TRIM68: variants seen among roughly 807,000 people sequenced by gnomAD.
The protein encoded by TRIM68 is E3 ubiquitin-protein ligase TRIM68.
In TRIM68, 36 loss-of-function variants were observed where a neutral mutation model predicts 41.9. That is an observed-to-expected ratio of 0.86 (90% CI 0.66 to 1.14). TRIM68 has a LOEUF of 1.14. TRIM68 is among the 50% of genes most tolerant of loss of function. The pLI is 0.00. For missense variants in TRIM68, 632 were observed against 605.1 expected (o/e 1.04, Z -0.47); for synonymous variants, 225 against 224.6 (o/e 1.00, Z -0.02).
chr11:4,605,451 G>C lies in TRIM68; in HGVS notation c.54C>G (p.Ile18Met), dbSNP rs1846555792. The change falls in exon 2 of 7, where the codon ATC becomes ATG. Residue 18 changes from isoleucine (I) to methionine (M), a missense_variant. Physicochemically the swap from Ile to Met is conservative, Grantham distance 10. Transcript: ENST00000300747. ...EAIVEEVACP[I>M]CMTFLREPMS... is the part of the protein sequence containing the mutation. ...TGGGCTCCCTCAGGAAGGTCATACA[G>C]ATGGGACAGGCCACTTCTTCCACAA... 1 of 1,613,976 alleles carries C rather than the reference G, an allele frequency of 6.2e-7. No homozygotes were observed. The highest frequency in any genetic ancestry group is 8.5e-7 in the Non-Finnish European group (1 of 1,179,978).
intron 1 of TRIM68, 121 bp from the exon 2 acceptor site, chr11:4,605,682 T>C (rs1411007027): frequency 1.7e-5 from 11 of 655,544 alleles, no homozygotes; most frequent in Middle Eastern, 4.1e-4. Flanking sequence ...TTACTGACCT[T>C]CTTTAATAAG....
rs555671821 is a variant in TRIM68, at chr11:4,603,084, C to T, written c.522+161G>A. ...AACTGGAATTAAGAGGTGACGTGGC[C>T]TACCTAAGGCCTGGGACAGAGAAAG... On this transcript the variant is annotated intron_variant, in intron 3 of 6. Coordinates refer to ENST00000300747, the MANE Select transcript of TRIM68 (RefSeq NM_018073.8). 4.9e-4 allele frequency among the ~76,000 whole-genome samples: 75 copies of T among 152,314 alleles called. No homozygotes were observed. The highest frequency in any genetic ancestry group is 4.1e-3 in the South Asian group (20 of 4,830).
Position 4,601,686 on chromosome 11 carries a change from C to A in TRIM68, c.784G>T (p.Asp262Tyr), listed in dbSNP as rs1846491349. The change falls in exon 5 of 7, where the codon GAT becomes TAT. Residue 262 changes from aspartate to tyrosine, a missense_variant and splice_region_variant. Coordinates refer to ENST00000300747, the MANE Select transcript of TRIM68 (RefSeq NM_018073.8). ...SQRPVRWMLQ[D>Y]IQEVLNRSKS... ...TACCTGTTTAACACTTCCTGAATATCCTGGAAGGAGAAAAAAAAATGCAGC... is the reference window on the plus strand; with the variant it reads ...TACCTGTTTAACACTTCCTGAATATACTGGAAGGAGAAAAAAAAATGCAGC... 2 of 1,613,764 alleles carry A rather than the reference C, an allele frequency of 1.2e-6. No homozygotes were observed. Among genetic ancestry groups the A allele is most frequent in the African/African-American group, 1.3e-5 (1 of 74,794 alleles).
chr11:4,602,101 C>CA, intron 4 of TRIM68, 51 bp downstream of exon 4: 1 of 1,611,562 alleles, frequency 6.2e-7, no homozygotes, highest in South Asian at 1.1e-5. Context: ...CCTGGAGTCT[C>CA]AGTCTATCTT....
chr11:4,600,508 T>C lies in TRIM68; in HGVS notation c.1226A>G (p.Asp409Gly). ...CGGCAAGGACAGGATTGGGTACTCA[T>C]CGGTGCCTGCTCGGTACTCATTTCC... ...RKGNEYRAGTDEYPILSLPVP... is the reference protein window; with the variant it reads ...RKGNEYRAGTGEYPILSLPVP... The change falls in exon 7 of 7, where the codon GAT becomes GGT. Residue 409 changes from aspartate (D) to glycine (G), a missense_variant. Coordinates refer to ENST00000300747, the MANE Select transcript of TRIM68 (RefSeq NM_018073.8). 1 of 1,613,822 alleles carries C rather than the reference T, an allele frequency of 6.2e-7. No homozygotes were observed. Among genetic ancestry groups the C allele is most frequent in the Middle Eastern group, 1.7e-4 (1 of 6,058 alleles).
chr11:4,604,402 A>C (rs906356489), intron 2 of TRIM68, among the ~76,000 whole-genome samples: 6 of 152,212 alleles, frequency 3.9e-5, no homozygotes, highest in African/African-American at 1.4e-4. Context: ...GGTTAGCTAC[A>C]AAAAAGGAGT....
At position 4,600,421 on chromosome 11, in the gene TRIM68, T is replaced by G. The variant is rs375064749; in HGVS notation, c.1313A>C (p.Asn438Thr). The G allele has an allele frequency of 2.5e-6, 4 of 1,613,924 alleles. No homozygotes were observed. In the African/African-American group the frequency reaches 5.3e-5, roughly 22 times the overall value. Residue 438 changes from asparagine (N) to threonine (T), a missense_variant, in exon 7 of 7, where the codon AAT becomes ACT. Asn to Thr is a moderately conservative substitution (Grantham distance 65). Coordinates refer to ENST00000300747, the MANE Select transcript of TRIM68 (RefSeq NM_018073.8). ...GATGTGGGAGCCACAGTCAGTCACA[T>G]TGTAGAAAGAAATGTCATGGGCCTC... ...DYEAHDISFYNVTDCGSHIFT... is the reference protein window; with the variant it reads ...DYEAHDISFYTVTDCGSHIFT...
intron 1 of TRIM68, among the ~76,000 whole-genome samples, chr11:4,605,985 T>C (rs1338317908): frequency 6.6e-6 from 1 of 152,244 alleles, no homozygotes; most frequent in African/African-American, 2.4e-5. Flanking sequence ...GGTATGTTTA[T>C]ATTTACATTA....
rs774808495 is a variant in TRIM68 at position 4,600,471 on chromosome 11, G to A, written c.1263C>T (p.Arg421=). The change falls in exon 7 of 7, where the codon CGC becomes CGT. Residue 421 remains arginine, a synonymous_variant. Transcript: ENST00000300747. ...YPILSLPVPP[R]RVGIFVDYEA... ...CATAATCCACGAAGATTCCCACCCG[G>A]CGAGGAGGGACCGGCAAGGACAGGA... 47 of 1,613,508 alleles carry A rather than the reference G, an allele frequency of 2.9e-5. No individual in the cohort carries two copies. Among genetic ancestry groups the A allele is most frequent in the Non-Finnish European group, 4.0e-5 (47 of 1,179,722 alleles).
chr11:4,605,089 C>T lies in TRIM68; in HGVS notation c.416G>A (p.Trp139Ter), dbSNP rs753897174. The change falls in exon 2 of 7, where the codon TGG (tryptophan) becomes TAG (stop). Residue 139 changes from tryptophan to a stop codon, truncating the protein, a stop_gained. Transcript: ENST00000300747. LOFTEE classifies it high-confidence loss of function. ...GCTTCCATCTCTCACCTTGTACTCC[C>T]AGGCAACATCCTCCATTGGCACAAC... ...HSVVPMEDVA[W>*]EYKWELHEAL... 1 of 1,613,680 alleles carries T rather than the reference C, an allele frequency of 6.2e-7. No homozygotes were observed. Among genetic ancestry groups the T allele is most frequent in the East Asian group, 2.2e-5 (1 of 44,878 alleles).
intron 2 of TRIM68, 64 bp from the exon 3 acceptor site, chr11:4,603,404 C>T (rs1846523078): frequency 6.6e-7 from 1 of 1,511,110 alleles, no homozygotes; most frequent in Non-Finnish European, 9.2e-7. Flanking sequence ...CACTGGGAGG[C>T]TATGGGAGAA....
At chr11:4,603,014 T>C (rs1020617805) in intron 3 of TRIM68, among the ~76,000 whole-genome samples, 5 of 152,188 alleles carry the variant, frequency 3.3e-5, no homozygotes, top group African/African-American at 1.2e-4. Context: ...CTTTCTCATA[T>C]AGGAGGATAC....
chr11:4,601,294 G>A (rs1355812827), intron 5 of TRIM68, 167 bp from the exon 6 acceptor site: 1 of 633,700 alleles, frequency 1.6e-6, no homozygotes, highest in Admixed American at 2.6e-5. Context: ...TGTGTGCAGA[G>A]GTGAGAACAC....
chr11:4,605,128 T>G lies in TRIM68; in HGVS notation c.377A>C (p.His126Pro), dbSNP rs374451614. 8.1e-6 allele frequency: 13 copies of G among 1,614,226 alleles called. No homozygotes were observed. Among genetic ancestry groups the G allele is most frequent in the Non-Finnish European group, 9.3e-6 (11 of 1,180,028 alleles). ...CATTGGCACAACACTGTGGGCCTCATGCTCTGGGGACTGGCTGCAGGCCTC... is the reference window on the plus strand; with the variant it reads ...CATTGGCACAACACTGTGGGCCTCAGGCTCTGGGGACTGGCTGCAGGCCTC... The part of the protein sequence containing the change: ...MCEACSQSPE[H>P]EAHSVVPMED... Residue 126 changes from histidine to proline, a missense_variant, in exon 2 of 7, where the codon CAT (histidine) becomes CCT (proline). Physicochemically the swap from His to Pro is moderately conservative, Grantham distance 77. Transcript: ENST00000300747.
chr11:4,603,112 G>T, intron 3 of TRIM68, 133 bp downstream of exon 3: 1 of 838,674 alleles, frequency 1.2e-6, no homozygotes, highest in Admixed American at 2.1e-5. Flanking sequence ...AGAGAAAGCA[G>T]GGATTAGAAC....
rs1451320242 is a variant in TRIM68, at chr11:4,608,175, A to G, written c.-206T>C. On this transcript the variant is annotated 5_prime_UTR_variant, in exon 1 of 7. Transcript: ENST00000300747. ...GAGAGCGGCAGAGGCCCAGAACCCA[A>G]AGCCCGGCAGCGCAGGCCCAGTAGC... 1.3e-5 allele frequency: 2 copies of G among 152,514 alleles called. No homozygotes were observed. The highest frequency in any genetic ancestry group is 2.9e-5 in the Non-Finnish European group (2 of 68,278). The allele number at this position is 152,514 out of a possible 1,614,324, so 9.4% of individuals were successfully genotyped here.
At chr11:4,607,290 A>G (rs1846583392) in intron 1 of TRIM68, among the ~76,000 whole-genome samples, 1 of 152,140 alleles carries the variant, frequency 6.6e-6, no homozygotes, top group Non-Finnish European at 1.5e-5. Flanking sequence ...GTCCATTTCT[A>G]TTTCCCCAGT....
In TRIM68 at chr11:4,608,177, G is replaced by A. The variant is rs889859363; in HGVS notation, c.-208C>T. The A allele has an allele frequency of 6.6e-6, 1 of 152,530 alleles. No individual in the cohort carries two copies. The highest frequency in any genetic ancestry group is 1.5e-5 in the Non-Finnish European group (1 of 68,278). 9.4% of individuals were successfully genotyped at this position (152,530 alleles called of 1,614,324 possible). ...GAGCGGCAGAGGCCCAGAACCCAAA[G>A]CCCGGCAGCGCAGGCCCAGTAGCCC... On this transcript the variant is annotated 5_prime_UTR_variant, in exon 1 of 7. Coordinates refer to ENST00000300747, the MANE Select transcript of TRIM68 (RefSeq NM_018073.8).
chr11:4,600,168 T>C lies in TRIM68; in HGVS notation c.*108A>G, dbSNP rs1262737654. 1.1e-5 allele frequency: 12 copies of C among 1,127,934 alleles called. No homozygotes were observed. Among genetic ancestry groups the C allele is most frequent in the Middle Eastern group, 3.0e-4 (1 of 3,296 alleles). The allele number at this position is 1,127,934 out of a possible 1,614,324, so 69.9% of individuals were successfully genotyped here. A position where few individuals can be genotyped will look rare whatever the true frequency, so the allele number is the denominator to read the frequency against. Reference sequence around the variant, plus strand: ...AGGATCAGACAGAGGAATCCTTGGATACTGGGCTCAGCTCAGTTTCAGGGG... The same window carrying C: ...AGGATCAGACAGAGGAATCCTTGGACACTGGGCTCAGCTCAGTTTCAGGGG... On this transcript the variant is annotated 3_prime_UTR_variant, in exon 7 of 7. Transcript: ENST00000300747.
Sources: allele counts gnomAD v4.1 joint callset (sites outside exome capture counted in the v4.1 genomes callset), GRCh38; gene constraint gnomAD v4.1.1; transcripts MANE v1.5; gene names NCBI Gene and HGNC (gene_info 2026-07-23, HGNC 2026-07-21).